Variants in KDM4B observed in about 807,000 individuals in gnomAD.
KDM4B encodes the protein lysine demethylase 4B, also known as lysine-specific demethylase 4B.
A neutral mutation model predicts 125.2 loss-of-function variants in KDM4B; 32 were observed. That is an observed-to-expected ratio of 0.26 (90% CI 0.19 to 0.34). The LOEUF is 0.34. Among genes scored for constraint, KDM4B ranks in the 10% least tolerant of loss-of-function variants. The pLI is 1.00. For synonymous variants in KDM4B, 721 were observed against 677.9 expected (o/e 1.06, Z -0.99); for missense variants, 1,190 against 1,577.7 (o/e 0.75, Z 4.16).
intron 2 of KDM4B, among the ~76,000 whole-genome samples, chr19:5,031,653 A>G (rs2036463328): frequency 6.6e-6 from 1 of 152,198 alleles, no homozygotes; most frequent in African/African-American, 2.4e-5. Flanking sequence ...GGTGGACCCA[A>G]GGCAGTAGGT....
rs369650628 is a variant in KDM4B at position 5,066,157 on chromosome 19, C to T, written c.627-4853C>T. Among the ~76,000 whole-genome samples the T allele has an allele frequency of 5.8e-3, 878 of 152,364 alleles. 9 individuals are homozygous for T. Among genetic ancestry groups the T allele is most frequent in the African/African-American group, 0.02 (831 of 41,590 alleles). On this transcript the variant is annotated intron_variant, in intron 6 of 22. Coordinates refer to ENST00000159111, the MANE Select transcript of KDM4B (RefSeq NM_015015.3). ...TGGGTCCCAGCCCCTCGAGAGGTGG[C>T]CCGGCCCCCACTCTTGCCCAGTGGG...
chr19:4,973,547 A>G (rs185364717), intron 1 of KDM4B, among the ~76,000 whole-genome samples: 1 of 152,350 alleles, frequency 6.6e-6, no homozygotes, highest in African/African-American at 2.4e-5. Context: ...ATATTAAAAA[A>G]AAGAAAATTT....
chr19:5,137,472 AC>A (rs2039669536), intron 16 of KDM4B, 134 bp downstream of exon 16: 1 of 1,198,554 alleles, frequency 8.3e-7, no homozygotes, highest in African/African-American at 1.5e-5. Context: ...AGGGGGTGGA[AC>A]CCAAGGGATT....
intron 22 of KDM4B, among the ~76,000 whole-genome samples, chr19:5,150,768 G>A (rs1248502156): frequency 1.3e-5 from 2 of 152,236 alleles, no homozygotes; most frequent in South Asian, 2.1e-4. Flanking sequence ...TGCAGGACCC[G>A]CGCTGCCCCA....
At chr19:5,063,655 G>A (rs765481609) in intron 6 of KDM4B, among the ~76,000 whole-genome samples, 2 of 152,208 alleles carry the variant, frequency 1.3e-5, no homozygotes, top group Non-Finnish European at 2.9e-5. Flanking sequence ...AGCAACGCAG[G>A]CAGGGACCGT....
chr19:5,036,693 G>A (rs1233587186), intron 3 of KDM4B, among the ~76,000 whole-genome samples: 1 of 152,266 alleles, frequency 6.6e-6, no homozygotes, highest in Non-Finnish European at 1.5e-5. Context: ...CACTTTCAGG[G>A]GCCGCCGGAG....
intron 1 of KDM4B, among the ~76,000 whole-genome samples, chr19:4,981,297 C>T (rs1419065442): frequency 2.0e-5 from 3 of 152,090 alleles, no homozygotes; most frequent in African/African-American, 2.4e-5. Context: ...CAGGGCCCGA[C>T]GGCTGTCCTG....
At chr19:5,091,910 G>A (rs979900463) in intron 9 of KDM4B, among the ~76,000 whole-genome samples, 2 of 152,220 alleles carry the variant, frequency 1.3e-5, no homozygotes, top group Non-Finnish European at 2.9e-5. Flanking sequence ...CATCGTGTGT[G>A]CCGCAAACTG....
chr19:4,982,474 C>T (rs1242178413), intron 1 of KDM4B, among the ~76,000 whole-genome samples: 1 of 149,638 alleles, frequency 6.7e-6, no homozygotes, highest in Non-Finnish European at 1.5e-5. Flanking sequence ...AAAAAAAAGC[C>T]TCTAGAAGAA....
intron 6 of KDM4B, among the ~76,000 whole-genome samples, chr19:5,051,614 C>T (rs768156876): frequency 6.6e-6 from 1 of 152,216 alleles, no homozygotes; most frequent in Non-Finnish European, 1.5e-5. Flanking sequence ...TGAGGAGTGC[C>T]GCGGGGCCAG....
chr19:5,073,687 C>A (rs2038015998), intron 7 of KDM4B, among the ~76,000 whole-genome samples: 1 of 152,230 alleles, frequency 6.6e-6, no homozygotes, highest in South Asian at 2.1e-4. Context: ...GTGACCAGTT[C>A]TACCCTGAGG....
chr19:5,012,089 G>C (rs2035746611), intron 1 of KDM4B, among the ~76,000 whole-genome samples: 1 of 152,162 alleles, frequency 6.6e-6, no homozygotes, highest in Admixed American at 6.5e-5. Context: ...GTCATGCTGC[G>C]GTGGGCTCCC....
At chr19:5,033,376 CA>C (rs1388387312) in intron 3 of KDM4B, among the ~76,000 whole-genome samples, 1 of 152,180 alleles carries the variant, frequency 6.6e-6, no homozygotes, top group African/African-American at 2.4e-5. Flanking sequence ...GGACGCCTTC[CA>C]GGGGTGTTCA....
At chr19:5,090,237 C>A (rs2038646616) in intron 9 of KDM4B, among the ~76,000 whole-genome samples, 1 of 152,082 alleles carries the variant, frequency 6.6e-6, no homozygotes, top group South Asian at 2.1e-4. Context: ...GCCTCCCTAG[C>A]CACACACCTC....
At chr19:5,084,686 C>G (rs1005363315) in intron 9 of KDM4B, among the ~76,000 whole-genome samples, 1 of 149,602 alleles carries the variant, frequency 6.7e-6, no homozygotes, top group Non-Finnish European at 1.5e-5. Context: ...GATGGCTTCA[C>G]GCCTATAATC....
intron 3 of KDM4B, among the ~76,000 whole-genome samples, chr19:5,039,304 A>G (rs1599475120): frequency 6.6e-6 from 1 of 152,214 alleles, no homozygotes. Context: ...TTTTTAAAAA[A>G]ATTAGCTGGG....
At chr19:4,969,999 ATGAAT>A (rs1487241171) in intron 1 of KDM4B, among the ~76,000 whole-genome samples, 3 of 152,084 alleles carry the variant, frequency 2.0e-5, no homozygotes, top group Non-Finnish European at 4.4e-5. Flanking sequence ...CTCTAGAGAA[ATGAAT>A]TGAGGAGTTG....
intron 21 of KDM4B, among the ~76,000 whole-genome samples, chr19:5,147,010 A>T (rs928952397): frequency 1.3e-5 from 2 of 149,208 alleles, no homozygotes; most frequent in Non-Finnish European, 3.0e-5. Context: ...ACACGGCAGG[A>T]TGGGTGGGGT....
chr19:4,974,613 C>T (rs1294979232), intron 1 of KDM4B, among the ~76,000 whole-genome samples: 1 of 151,526 alleles, frequency 6.6e-6, no homozygotes, highest in Non-Finnish European at 1.5e-5. Context: ...TGGTGGGCGC[C>T]TGTAGTCCCA....
Sources: allele counts gnomAD v4.1 joint callset (sites outside exome capture counted in the v4.1 genomes callset), GRCh38; gene constraint gnomAD v4.1.1; transcripts MANE v1.5; gene names NCBI Gene and HGNC (gene_info 2026-07-23, HGNC 2026-07-21).